Variants in DMXL1 observed in about 807,000 individuals in gnomAD.
DMXL1 encodes the protein Dmx like 1.
In DMXL1, 99 loss-of-function variants were observed where a neutral mutation model predicts 319.2. That is an observed-to-expected ratio of 0.31 (90% confidence interval 0.26 to 0.37). The LOEUF is 0.37. Among genes scored for constraint, DMXL1 ranks in the 10% least tolerant of loss-of-function variants. The probability of loss-of-function intolerance (pLI) is 1.00; values close to 1 mark genes in which losing one functional copy is unlikely to be tolerated. For missense variants in DMXL1, 3,745 were observed against 3,595.6 expected (o/e 1.04, Z -1.06); for synonymous variants, 1,385 against 1,235.2 (o/e 1.12, Z -2.54).
chr5:119,167,061 C>T (rs906574848), intron 22 of DMXL1, among the ~76,000 whole-genome samples: 20 of 152,058 alleles, frequency 1.3e-4, no homozygotes, highest in African/African-American at 4.6e-4. Context: ...AGGGTTTGTC[C>T]TACCAGTTTA....
intron 1 of DMXL1, 53 bp from the exon 2 acceptor site, chr5:119,097,926 A>G (rs1375343155): frequency 2.1e-6 from 3 of 1,448,062 alleles, no homozygotes; most frequent in African/African-American, 2.9e-5. Context: ...AGTATTCTAC[A>G]TGGTAAATGT....
In DMXL1 at chr5:119,071,136, G is replaced by A. The variant is rs572605412; in HGVS notation, c.-434G>A. 132 of 189,514 alleles carry A rather than the reference G, an allele frequency of 7.0e-4. No homozygotes were observed. Among genetic ancestry groups the A allele is most frequent in the Non-Finnish European group, 1.3e-3 (116 of 90,044 alleles). 11.7% of individuals were successfully genotyped at this position (189,514 alleles called of 1,614,324 possible). A position where few individuals can be genotyped will look rare whatever the true frequency, so the allele number is the denominator to read the frequency against. ...GACTGTGGGGGTGGCGGGCACCGGA[G>A]CCGGGAAGGGACAGGTCAGGCGGGG... On this transcript the variant is annotated 5_prime_UTR_variant, in exon 1 of 44. Coordinates refer to ENST00000539542, the MANE Select transcript of DMXL1 (RefSeq NM_001290321.3).
chr5:119,157,471 A>G (rs1052179138), intron 19 of DMXL1, among the ~76,000 whole-genome samples: 1 of 152,122 alleles, frequency 6.6e-6, no homozygotes, highest in Non-Finnish European at 1.5e-5. Context: ...ATGCTTAAGT[A>G]TTTAATCCAT....
intron 30 of DMXL1, 139 bp from the exon 31 acceptor site, chr5:119,196,232 A>C: frequency 3.0e-6 from 2 of 658,804 alleles, no homozygotes; most frequent in Non-Finnish European, 5.4e-6. Context: ...GACTACCTCT[A>C]TGCATATATT....
At position 119,133,147 on chromosome 5, in the gene DMXL1, TTGA is replaced by T. The variant is rs1444963942; in HGVS notation, c.1336_1338del (p.Asp446del). The T allele has an allele frequency of 3.7e-6, 6 of 1,613,986 alleles. No individual in the cohort carries two copies. Among genetic ancestry groups the T allele is most frequent in the Non-Finnish European group, 5.1e-6 (6 of 1,179,878 alleles). ...TTGCTTATAGAAACTGATGATGGTGTTGATGATCTGAAAATAAATCCCGAAAAG... is the reference window on the plus strand; with the variant it reads ...TTGCTTATAGAAACTGATGATGGTGTTGATCTGAAAATAAATCCCGAAAAG... On this transcript the variant is annotated inframe_deletion, in exon 11 of 44. Transcript: ENST00000539542.
Position 119,170,814 on chromosome 5 carries a change from T to C in DMXL1, c.6023T>C (p.Phe2008Ser), listed in dbSNP as rs1774394072. Reference sequence around the variant, plus strand: ...ATAAGTTCTAACTACACAGAATCTTTCAGCACACTAGATGAAAATGACCTT... The same window carrying C: ...ATAAGTTCTAACTACACAGAATCTTCCAGCACACTAGATGAAAATGACCTT... ...DDISSNYTES[F>S]STLDENDLLN... is the part of the protein sequence containing the mutation. The change falls in exon 24 of 44, where the codon TTC becomes TCC. Residue 2008 changes from phenylalanine to serine, a missense_variant. Phe to Ser is a radical substitution (Grantham distance 155). Coordinates refer to ENST00000539542, the MANE Select transcript of DMXL1 (RefSeq NM_001290321.3). 3.1e-6 allele frequency: 5 copies of C among 1,611,544 alleles called. No individual in the cohort carries two copies. The East Asian group carries it at 1.1e-4, about 36-fold the overall frequency.
chr5:119,109,869 C>T (rs567032857), intron 4 of DMXL1, among the ~76,000 whole-genome samples: 7 of 152,062 alleles, frequency 4.6e-5, no homozygotes, highest in Non-Finnish European at 1.0e-4. Flanking sequence ...TCATGAAAAA[C>T]GACAATGTTT....
intron 10 of DMXL1, 26 bp from the exon 11 acceptor site, chr5:119,133,106 T>C: frequency 1.2e-6 from 2 of 1,610,250 alleles, no homozygotes; most frequent in Non-Finnish European, 1.7e-6. Flanking sequence ...TGTATTTACT[T>C]GGTTCATGAA....
Position 119,114,487 on chromosome 5 carries a change from A to C in DMXL1, c.510A>C (p.Gln170His). 2 of 1,608,240 alleles carry C rather than the reference A, an allele frequency of 1.2e-6. No individual in the cohort carries two copies. Among genetic ancestry groups the C allele is most frequent in the Non-Finnish European group, 1.7e-6 (2 of 1,177,996 alleles). The change falls in exon 6 of 44, where the codon CAA (glutamine) becomes CAC (histidine). Residue 170 changes from glutamine to histidine, a missense_variant. Coordinates refer to ENST00000539542, the MANE Select transcript of DMXL1 (RefSeq NM_001290321.3). Reference protein sequence around the residue: ...KCIWHCKTASQVHLMKFSPDG... With the variant: ...KCIWHCKTASHVHLMKFSPDG... ...GTTTAATTTACAGAACTGCTTCCCAAGTTCATTTAATGAAATTTTCACCAG... is the reference window on the plus strand; with the variant it reads ...GTTTAATTTACAGAACTGCTTCCCACGTTCATTTAATGAAATTTTCACCAG...
intron 5 of DMXL1, among the ~76,000 whole-genome samples, chr5:119,113,611 G>A (rs1327048837): frequency 1.3e-5 from 2 of 152,126 alleles, no homozygotes; most frequent in Non-Finnish European, 2.9e-5. Context: ...ACCTTTTCCT[G>A]CAGAAAGTAG....
chr5:119,088,894 G>A (rs115913992), intron 1 of DMXL1, among the ~76,000 whole-genome samples: 1,825 of 152,086 alleles, frequency 0.012, 34 homozygotes, highest in African/African-American at 0.042. Flanking sequence ...TCATAATAGA[G>A]TTATGAATAG....
chr5:119,177,306 A>C (rs1200765450), intron 26 of DMXL1, 51 bp from the exon 27 acceptor site: 1 of 1,281,948 alleles, frequency 7.8e-7, no homozygotes. Flanking sequence ...TGAAACATGA[A>C]AATATTATAT....
At chr5:119,235,989 C>A (rs925225073) in intron 39 of DMXL1, among the ~76,000 whole-genome samples, 1 of 151,788 alleles carries the variant, frequency 6.6e-6, no homozygotes, top group Non-Finnish European at 1.5e-5. Flanking sequence ...AGGAATAGAC[C>A]TGGGAAAATA....
At chr5:119,223,901 T>C (rs1785081109) in intron 37 of DMXL1, among the ~76,000 whole-genome samples, 1 of 152,186 alleles carries the variant, frequency 6.6e-6, no homozygotes, top group Non-Finnish European at 1.5e-5. Context: ...TTTTATTTTT[T>C]CTAGAGAACT....
chr5:119,237,158 C>A, intron 39 of DMXL1, 164 bp from the exon 40 acceptor site: 2 of 396,874 alleles, frequency 5.0e-6, no homozygotes, highest in Non-Finnish European at 9.2e-6. Flanking sequence ...AAAGTAGTAG[C>A]TGAATGTTTT....
chr5:119,139,596 A>G (rs747598330), intron 13 of DMXL1, among the ~76,000 whole-genome samples: 4 of 152,174 alleles, frequency 2.6e-5, no homozygotes, highest in South Asian at 2.1e-4. Flanking sequence ...TATATATGCA[A>G]CCAACACAGG....
At chr5:119,241,662 C>A (rs1788843684) in intron 42 of DMXL1, among the ~76,000 whole-genome samples, 1 of 151,916 alleles carries the variant, frequency 6.6e-6, no homozygotes, top group Non-Finnish European at 1.5e-5. Context: ...CTTTGGTCTG[C>A]TTTTTGGGAG....
At position 119,133,673 on chromosome 5, in the gene DMXL1, A is replaced by G. The variant is rs1765406788; in HGVS notation, c.1749A>G (p.Lys583=). Residue 583 remains lysine (K), a synonymous_variant, in exon 12 of 44, where the codon AAA becomes AAG. Transcript: ENST00000539542. The part of the protein sequence containing the change: ...TSMLISSGHN[K]SSNSLKLSIF... ...TGCTTATTTCTTCTGGTCACAATAA[A>G]TCATCTAATAGTTTAAAATTAAGTA... 6.2e-7 allele frequency: 1 copy of G among 1,614,072 alleles called. No homozygotes were observed. Among genetic ancestry groups the G allele is most frequent in the Non-Finnish European group, 8.5e-7 (1 of 1,180,036 alleles).
At chr5:119,224,525 A>C (rs919361061) in intron 37 of DMXL1, among the ~76,000 whole-genome samples, 184 bp from the exon 38 acceptor site, 1 of 151,978 alleles carries the variant, frequency 6.6e-6, no homozygotes, top group African/African-American at 2.4e-5. Context: ...CCCAAAATAT[A>C]TGTGCAAATA....
Sources: gnomAD v4.1 joint callset for allele counts (sites outside exome capture counted in the v4.1 genomes callset) on GRCh38, gnomAD v4.1.1 for gene constraint, MANE v1.5 for transcripts, NCBI Gene and HGNC (gene_info 2026-07-23, HGNC 2026-07-21) for gene names.